Variants in RYR2 observed in about 807,000 individuals in gnomAD.
RYR2 encodes ryanodine receptor 2.
A neutral mutation model predicts 601.1 loss-of-function variants in RYR2; 227 were observed. The observed-to-expected ratio is 0.38, with a 90% CI of 0.34 to 0.42. The LOEUF (loss-of-function observed/expected upper bound fraction) is 0.42, where lower values mean the gene tolerates loss of function less well. RYR2 is among the 10% of genes least tolerant of loss of function. The pLI, the probability that RYR2 is intolerant of heterozygous loss-of-function variation, is 1.00. For missense variants in RYR2, 4,646 were observed against 6,156.5 expected (o/e 0.75, Z 8.21); for synonymous variants, 2,223 against 2,175.1 (o/e 1.02, Z -0.61).
At chr1:237,550,095 A>G (rs972645403) in intron 26 of RYR2, among the ~76,000 whole-genome samples, 2 of 152,202 alleles carry the variant, frequency 1.3e-5, no homozygotes, top group Non-Finnish European at 2.9e-5. Flanking sequence ...AGGGTGGTCC[A>G]TAACACGCTG....
rs553690643 is a variant in RYR2 at position 237,643,779 on chromosome 1, A to AT, written c.7342+340dup. Reference sequence around the variant, plus strand: ...AGGCGCCCGTCACCATGCCCGGCTAATTTTTTTTGTATTTTAAGTAGAGAT... The same window carrying AT: ...AGGCGCCCGTCACCATGCCCGGCTAATTTTTTTTTGTATTTTAAGTAGAGAT... On this transcript the variant is annotated intron_variant, in intron 48 of 104. Transcript: ENST00000366574. Among the ~76,000 whole-genome samples, 1,038 of 151,542 alleles carry AT rather than the reference A, an allele frequency of 6.8e-3. 15 individuals carry two copies. Among genetic ancestry groups the AT allele is most frequent in the African/African-American group, 0.024 (978 of 41,328 alleles).
chr1:237,175,827 T>C (rs111365118), intron 1 of RYR2, among the ~76,000 whole-genome samples: 278 of 152,316 alleles, frequency 1.8e-3, no homozygotes, highest in Middle Eastern at 3.4e-3. Context: ...CTCTTTCCTG[T>C]CTCAACAGTT....
intron 24 of RYR2, among the ~76,000 whole-genome samples, chr1:237,518,280 CA>C (rs1666758508): frequency 1.3e-5 from 2 of 151,692 alleles, no homozygotes; most frequent in African/African-American, 4.8e-5. Context: ...AAAAATTGTA[CA>C]AATTTACAGG....
intron 73 of RYR2, among the ~76,000 whole-genome samples, chr1:237,719,063 A>T (rs771432871): frequency 8.5e-5 from 13 of 152,110 alleles, no homozygotes; most frequent in Non-Finnish European, 1.5e-4. Context: ...CAAGAGTTTG[A>T]GCCTGGGCAA....
At chr1:237,638,104 G>GGAA (rs1681063496) in intron 44 of RYR2, among the ~76,000 whole-genome samples, 2 of 147,114 alleles carry the variant, frequency 1.4e-5, no homozygotes, top group Non-Finnish European at 1.5e-5. Context: ...AGAGAGAGCT[G>GGAA]AAAAAAAAAA....
intron 1 of RYR2, among the ~76,000 whole-genome samples, chr1:237,217,141 A>G (rs1033514262): frequency 6.6e-6 from 1 of 152,084 alleles, no homozygotes; most frequent in Non-Finnish European, 1.5e-5. Context: ...TCTGATGGGG[A>G]CCTCGACTGG....
chr1:237,675,950 A>T (rs1685357113), intron 60 of RYR2, among the ~76,000 whole-genome samples: 1 of 152,156 alleles, frequency 6.6e-6, no homozygotes, highest in Non-Finnish European at 1.5e-5. Flanking sequence ...ATAATCTGTA[A>T]TCTCTCTATG....
intron 101 of RYR2, among the ~76,000 whole-genome samples, chr1:237,827,861 C>G (rs1231447999): frequency 6.9e-6 from 1 of 145,520 alleles, no homozygotes; most frequent in Admixed American, 7.1e-5. Context: ...GGCATGAACC[C>G]GGGAGGCGGA....
intron 92 of RYR2, among the ~76,000 whole-genome samples, 198 bp from the exon 93 acceptor site, chr1:237,791,231 C>A (rs1247307576): frequency 1.3e-5 from 2 of 152,176 alleles, no homozygotes; most frequent in Non-Finnish European, 2.9e-5. Context: ...TGCGGGTATG[C>A]TTTTTTATTC....
At chr1:237,200,076 T>A (rs1459834371) in intron 1 of RYR2, among the ~76,000 whole-genome samples, 1 of 152,182 alleles carries the variant, frequency 6.6e-6, no homozygotes, top group Non-Finnish European at 1.5e-5. Flanking sequence ...ATCATCACTC[T>A]TTTAAACATA....
intron 16 of RYR2, among the ~76,000 whole-genome samples, chr1:237,460,674 T>G (rs1216309568): frequency 1.3e-5 from 2 of 152,192 alleles, no homozygotes; most frequent in Non-Finnish European, 2.9e-5. Flanking sequence ...ATTAGTGTAT[T>G]AAAAACCAGT....
At position 237,660,820 on chromosome 1, in the gene RYR2, T is replaced by C. The variant is rs397516550; in HGVS notation, c.8309T>C (p.Ile2770Thr). Residue 2770 changes from isoleucine (I) to threonine (T), a missense_variant, in exon 56 of 105, where the codon ATT (isoleucine) becomes ACT (threonine). Transcript: ENST00000366574. ...YKLLSEKEKE[I>T]YRWPIKESLK... ...TTTTTTCTTCTCTAGGAAAAAGAAA[T>C]TTATCGCTGGCCAATCAAAGAATCT... 150 of 1,542,438 alleles carry C rather than the reference T, an allele frequency of 9.7e-5. No individual in the cohort carries two copies. The highest frequency in any genetic ancestry group is 1.3e-4 in the Non-Finnish European group (147 of 1,141,568).
chr1:237,631,777 GC>G (rs755855404), intron 42 of RYR2, among the ~76,000 whole-genome samples: 13 of 151,408 alleles, frequency 8.6e-5, no homozygotes, highest in Admixed American at 1.3e-4. Context: ...AGAGGCGCCC[GC>G]CACCTCGCCC....
chr1:237,437,281 T>A (rs534465735), intron 12 of RYR2, among the ~76,000 whole-genome samples: 2 of 152,252 alleles, frequency 1.3e-5, no homozygotes, highest in Non-Finnish European at 2.9e-5. Flanking sequence ...CTTGATCTCC[T>A]GACCTCATGA....
rs1157920845 is a variant in RYR2 at position 237,723,028 on chromosome 1, G to A, written c.10555-100G>A. 8 of 1,026,970 alleles carry A rather than the reference G, an allele frequency of 7.8e-6. No homozygotes were observed. In the South Asian group the frequency reaches 1.3e-4, roughly 17 times the overall value. The allele number at this position is 1,026,970 out of a possible 1,614,324, so 63.6% of individuals were successfully genotyped here. A position where few individuals can be genotyped will look rare whatever the true frequency, so the allele number is the denominator to read the frequency against. On this transcript the variant is annotated intron_variant, in intron 73 of 104. Transcript: ENST00000366574. ...TGTCTTAACTGGTAAACACTGTAAA[G>A]CCCAATAAATAATGATGGGTGGACT...
At chr1:237,193,924 C>G (rs1680283526) in intron 1 of RYR2, among the ~76,000 whole-genome samples, 1 of 152,120 alleles carries the variant, frequency 6.6e-6, no homozygotes, top group Non-Finnish European at 1.5e-5. Flanking sequence ...AAAAGATTGC[C>G]TTTCTCTTGC....
At chr1:237,574,483 T>C in intron 29 of RYR2, among the ~76,000 whole-genome samples, 1 of 152,210 alleles carries the variant, frequency 6.6e-6, no homozygotes, top group East Asian at 1.9e-4. Context: ...ATATCACTCA[T>C]GATTAGGTCA....
intron 1 of RYR2, among the ~76,000 whole-genome samples, chr1:237,166,884 A>C (rs962100604): frequency 2.0e-5 from 3 of 152,232 alleles, no homozygotes; most frequent in Non-Finnish European, 4.4e-5. Context: ...AAGACTTAAC[A>C]AGAAAATCAG....
intron 1 of RYR2, among the ~76,000 whole-genome samples, chr1:237,193,415 G>A (rs1446986672): frequency 6.6e-6 from 1 of 152,094 alleles, no homozygotes; most frequent in Non-Finnish European, 1.5e-5. Flanking sequence ...AGCAGAGATC[G>A]CGCCACTGCA....
Sources: allele counts gnomAD v4.1 joint callset (sites outside exome capture counted in the v4.1 genomes callset), GRCh38; gene constraint gnomAD v4.1.1; transcripts MANE v1.5; gene names NCBI Gene and HGNC (gene_info 2026-07-23, HGNC 2026-07-21).